The following SH3PXD2A variants were observed in gnomAD, a reference collection of about 807,000 sequenced individuals.
SH3PXD2A encodes SH3 and PX domain-containing protein 2A.
Under a neutral mutation model 115.2 loss-of-function variants are expected in SH3PXD2A, and 32 were observed. That is an observed-to-expected ratio of 0.28 (90% confidence interval 0.21 to 0.37). SH3PXD2A has a LOEUF of 0.37. Ranked by LOEUF, SH3PXD2A falls within the 10% of genes least tolerant of loss-of-function variation. The pLI is 1.00. For missense variants in SH3PXD2A, 1,328 were observed against 1,498.7 expected (o/e 0.89, Z 1.88); for synonymous variants, 610 against 629.1 (o/e 0.97, Z 0.45).
chr10:103,850,142 T>C (rs182894479), intron 1 of SH3PXD2A, among the ~76,000 whole-genome samples: 38 of 152,290 alleles, frequency 2.5e-4, no homozygotes, highest in African/African-American at 8.7e-4. Flanking sequence ...CCCCGGAATA[T>C]CTCTTTGGAA....
intron 8 of SH3PXD2A, among the ~76,000 whole-genome samples, chr10:103,636,603 G>A (rs2036869765): frequency 6.6e-6 from 1 of 152,112 alleles, no homozygotes; most frequent in African/African-American, 2.4e-5. Context: ...GGCCACTGCT[G>A]TCCCCAGGGT....
At chr10:103,644,535 G>A (rs917858559) in intron 8 of SH3PXD2A, among the ~76,000 whole-genome samples, 5 of 147,452 alleles carry the variant, frequency 3.4e-5, no homozygotes, top group Non-Finnish European at 4.5e-5. Context: ...GCAATGAGCC[G>A]TGATCATGCC....
chr10:103,854,628 C>T lies in SH3PXD2A; in HGVS notation c.72+567G>A, dbSNP rs117537534. On this transcript the variant is annotated intron_variant, in intron 1 of 14. Transcript: ENST00000369774. ...AAAGGAAAAGCCACAATTCTCCTCA[C>T]ACCGACGGACACAATGGCTTTATGA... Among the ~76,000 whole-genome samples the T allele has an allele frequency of 7.6e-4, 116 of 152,330 alleles. 1 individual carries two copies. In the East Asian group the frequency reaches 0.016, roughly 21 times the overall value.
At chr10:103,843,234 T>G (rs1589481055) in intron 1 of SH3PXD2A, among the ~76,000 whole-genome samples, 1 of 152,184 alleles carries the variant, frequency 6.6e-6, no homozygotes, top group African/African-American at 2.4e-5. Context: ...CATAGCCAGC[T>G]TCAGAGCCAC....
chr10:103,845,330 CA>C (rs371956451), intron 1 of SH3PXD2A, among the ~76,000 whole-genome samples: 14,455 of 37,736 alleles, frequency 0.38, 1,341 homozygotes, highest in African/African-American at 0.51. Flanking sequence ...GACTTCATCT[CA>C]AAAAAAAAAA....
In SH3PXD2A at chr10:103,784,909, T is replaced by G. The variant is rs2038966742; in HGVS notation, c.153+16373A>C. 6.6e-6 allele frequency among the ~76,000 whole-genome samples: 1 copy of G among 152,146 alleles called. No homozygotes were observed. Among genetic ancestry groups the G allele is most frequent in the South Asian group, 2.1e-4 (1 of 4,826 alleles). On this transcript the variant is annotated intron_variant, in intron 2 of 14. Transcript: ENST00000369774. This position sits in a 1 kb window ranked among gnomAD's most constrained non-coding sequence, Gnocchi z 4.4. ...GAGACACCTGGGAGCGGCAGCCTACTAGGCGTGTCTGCTTAGACGGGTAAC... is the reference window on the plus strand; with the variant it reads ...GAGACACCTGGGAGCGGCAGCCTACGAGGCGTGTCTGCTTAGACGGGTAAC...
At chr10:103,733,321 G>A (rs1233829544) in intron 4 of SH3PXD2A, among the ~76,000 whole-genome samples, 1 of 152,152 alleles carries the variant, frequency 6.6e-6, no homozygotes, top group Non-Finnish European at 1.5e-5. Context: ...TTCCTCCTCC[G>A]GATGACCCAG....
chr10:103,605,809 G>C lies in SH3PXD2A; in HGVS notation c.1417C>G (p.Gln473Glu). The change falls in exon 14 of 15, where the codon CAG (glutamine) becomes GAG (glutamate). Residue 473 changes from glutamine to glutamate, a missense_variant. Gln to Glu is a conservative substitution (Grantham distance 29). Transcript: ENST00000369774. ...ISDGISFRGGQKAEVIDKNSG... is the reference protein window; with the variant it reads ...ISDGISFRGGEKAEVIDKNSG... Reference sequence around the variant, plus strand: ...GGCCCAAGGCTTACCTCTGCCTTCTGTCCACCCCGAAAGCTGATGCCATCG... The same window carrying C: ...GGCCCAAGGCTTACCTCTGCCTTCTCTCCACCCCGAAAGCTGATGCCATCG... 1 of 1,614,106 alleles carries C rather than the reference G, an allele frequency of 6.2e-7. No individual in the cohort carries two copies. Among genetic ancestry groups the C allele is most frequent in the East Asian group, 2.2e-5 (1 of 44,886 alleles).
intron 11 of SH3PXD2A, among the ~76,000 whole-genome samples, chr10:103,614,396 G>T (rs1357974372): frequency 6.6e-6 from 1 of 151,946 alleles, no homozygotes; most frequent in Non-Finnish European, 1.5e-5. Flanking sequence ...ATCTAAGTGG[G>T]GCTCCAAAAG....
chr10:103,684,743 A>G (rs2037655131), intron 6 of SH3PXD2A, among the ~76,000 whole-genome samples: 2 of 152,080 alleles, frequency 1.3e-5, no homozygotes. Flanking sequence ...AAAAAGGAAA[A>G]TTAGGCTGTG....
chr10:103,769,421 T>C (rs1039663598), intron 2 of SH3PXD2A, among the ~76,000 whole-genome samples: 1 of 150,288 alleles, frequency 6.7e-6, no homozygotes, highest in Non-Finnish European at 1.5e-5. Context: ...TGGCTCATGA[T>C]TTTTTCTTTT....
Position 103,738,939 on chromosome 10 carries a change from C to A in SH3PXD2A, c.230-3131G>T, listed in dbSNP as rs375928776. ...CCTCCCGAGTAGCTGGGATTACAGG[C>A]ATGTGCCACCACACCCGGCTGATTT... is the stretch of plus-strand genomic sequence containing the variant. On this transcript the variant is annotated intron_variant, in intron 3 of 14. Coordinates refer to ENST00000369774, the MANE Select transcript of SH3PXD2A (RefSeq NM_001394015.1). Among the ~76,000 whole-genome samples the A allele has an allele frequency of 5.2e-4, 79 of 152,018 alleles. 2 individuals are homozygous for A. In the South Asian group the frequency reaches 0.016, roughly 30 times the overall value.
intron 1 of SH3PXD2A, among the ~76,000 whole-genome samples, chr10:103,835,881 C>T (rs971122759): frequency 3.3e-5 from 5 of 152,184 alleles, no homozygotes; most frequent in Non-Finnish European, 5.9e-5. Flanking sequence ...GAGCAAGTGC[C>T]CCAAGTGGAG....
intron 8 of SH3PXD2A, among the ~76,000 whole-genome samples, chr10:103,646,192 A>G (rs943360312): frequency 2.0e-5 from 3 of 152,098 alleles, no homozygotes; most frequent in African/African-American, 7.2e-5. Context: ...TGGGATAACC[A>G]TCCTGGGGCC....
At chr10:103,648,140 G>C (rs1364170506) in intron 8 of SH3PXD2A, among the ~76,000 whole-genome samples, 2 of 152,190 alleles carry the variant, frequency 1.3e-5, no homozygotes, top group Non-Finnish European at 2.9e-5. Flanking sequence ...GTGAGGCGAT[G>C]AGAAGGGCCC....
chr10:103,733,197 G>A (rs1304345195), intron 4 of SH3PXD2A, among the ~76,000 whole-genome samples: 1 of 152,032 alleles, frequency 6.6e-6, no homozygotes, highest in Non-Finnish European at 1.5e-5. Context: ...CCCTCCTCTT[G>A]CAGACCCCAC....
chr10:103,775,511 G>A (rs1175674879), intron 2 of SH3PXD2A, among the ~76,000 whole-genome samples: 1 of 152,320 alleles, frequency 6.6e-6, no homozygotes, highest in East Asian at 1.9e-4. Context: ...GCCAGGCCTT[G>A]AATAGAGAGC....
At position 103,742,748 on chromosome 10, in the gene SH3PXD2A, G is replaced by A. The variant is rs534867022; in HGVS notation, c.230-6940C>T. Among the ~76,000 whole-genome samples the A allele has an allele frequency of 2.7e-3, 411 of 152,346 alleles. 2 individuals carry two copies. Among genetic ancestry groups the A allele is most frequent in the Non-Finnish European group, 4.6e-3 (314 of 68,034 alleles). The stretch of plus-strand genomic sequence containing the variant: ...CCTGAAGCCCTCGTGGGGGACAGGG[G>A]AGTGTCTGAACAGAGCAGCTCCGGA... On this transcript the variant is annotated intron_variant, in intron 3 of 14. Coordinates refer to ENST00000369774, the MANE Select transcript of SH3PXD2A (RefSeq NM_001394015.1).
intron 8 of SH3PXD2A, among the ~76,000 whole-genome samples, chr10:103,659,253 T>C (rs1272549852): frequency 6.6e-6 from 1 of 152,202 alleles, no homozygotes; most frequent in Non-Finnish European, 1.5e-5. Flanking sequence ...GGCCAGTGGC[T>C]GGCAGCCCCC....
Sources: allele counts gnomAD v4.1 joint callset (sites outside exome capture counted in the v4.1 genomes callset), GRCh38; gene constraint gnomAD v4.1.1; non-coding constraint Gnocchi (gnomAD v3.1); transcripts MANE v1.5; gene names NCBI Gene and HGNC (gene_info 2026-07-23, HGNC 2026-07-21).